Variants in SELENOF observed in about 807,000 individuals in gnomAD.
SELENOF encodes the protein 15 kDa selenoprotein.
SELENOF carries 16 observed loss-of-function variants against 20.5 expected under a neutral mutation model. That is an observed-to-expected ratio of 0.78 (90% CI 0.53 to 1.19). The LOEUF is 1.19. Among genes scored for constraint, SELENOF ranks in the 50% most tolerant of loss-of-function variants. SELENOF has a pLI of 0.00. For missense variants in SELENOF, 215 were observed against 194.2 expected (o/e 1.11, Z -0.64); for synonymous variants, 78 against 74.5 (o/e 1.05, Z -0.24).
At chr1:86,893,948 A>C (rs1022947223) in intron 2 of SELENOF, among the ~76,000 whole-genome samples, 4 of 152,212 alleles carry the variant, frequency 2.6e-5, no homozygotes, top group Non-Finnish European at 5.9e-5. Flanking sequence ...TAGTATAATA[A>C]GATTAATATT....
chr1:86,900,175 C>G (rs1369621795), intron 2 of SELENOF, among the ~76,000 whole-genome samples: 2 of 152,016 alleles, frequency 1.3e-5, no homozygotes, highest in African/African-American at 4.8e-5. Context: ...TCCTCACTTC[C>G]TAGACGGGGT....
intron 1 of SELENOF, among the ~76,000 whole-genome samples, chr1:86,904,747 A>G (rs1012973623): frequency 6.6e-6 from 1 of 152,188 alleles, no homozygotes; most frequent in African/African-American, 2.4e-5. Context: ...GCCCAAAATT[A>G]CCAAATGCAA....
intron 1 of SELENOF, among the ~76,000 whole-genome samples, chr1:86,903,720 T>C (rs1320545710): frequency 6.6e-6 from 1 of 152,098 alleles, no homozygotes; most frequent in Non-Finnish European, 1.5e-5. Context: ...TCAGCCTCCC[T>C]AGTAGCTGGG....
chr1:86,881,742 A>G (rs908024996), intron 2 of SELENOF, among the ~76,000 whole-genome samples: 3 of 152,224 alleles, frequency 2.0e-5, no homozygotes, highest in Non-Finnish European at 4.4e-5. Flanking sequence ...TGTGACCTAA[A>G]AAGACAATGA....
Position 86,880,664 on chromosome 1 carries a change from T to C in SELENOF, c.314A>G (p.Gln105Arg). Residue 105 changes from glutamine (Q) to arginine (R), a missense_variant and splice_region_variant, in exon 3 of 5, where the codon CAA (glutamine) becomes CGA (arginine). By Grantham distance (43) the Gln-to-Arg change is conservative. Transcript: ENST00000331835. Reference sequence around the variant, plus strand: ...TTACTGGAGTAAATTTTATATACCTTGGACTTGAGGGAACCTTCCCAATTT... The same window carrying C: ...TTACTGGAGTAAATTTTATATACCTCGGACTTGAGGGAACCTTCCCAATTT... Reference protein sequence around the residue: ...GUKLGRFPQVQAFVRSDKPKL... With the variant: ...GUKLGRFPQVRAFVRSDKPKL... 1 of 1,576,686 alleles carries C rather than the reference T, an allele frequency of 6.3e-7. No homozygotes were observed. Among genetic ancestry groups the C allele is most frequent in the Non-Finnish European group, 8.7e-7 (1 of 1,155,404 alleles).
chr1:86,882,247 C>CAAAAAAAAAAAAA (rs61037512), intron 2 of SELENOF, among the ~76,000 whole-genome samples: 32 of 61,870 alleles, frequency 5.2e-4, no homozygotes, highest in East Asian at 1.7e-3. Context: ...GACTCTGTCT[C>CAAAAAAAAAAAAA]AAAAAAAAAA....
intron 1 of SELENOF, among the ~76,000 whole-genome samples, chr1:86,913,456 C>T (rs1660042232): frequency 6.6e-6 from 1 of 152,198 alleles, no homozygotes; most frequent in Admixed American, 6.5e-5. Flanking sequence ...ATGAATTATA[C>T]TTTGGTATAG....
intron 3 of SELENOF, among the ~76,000 whole-genome samples, chr1:86,879,438 A>G (rs911487315): frequency 2.6e-5 from 4 of 152,240 alleles, no homozygotes; most frequent in African/African-American, 9.6e-5. Context: ...GGCCTCATTA[A>G]GTATCCCAAG....
intron 2 of SELENOF, chr1:86,887,129 T>C (rs543483132): frequency 6.2e-5 from 94 of 1,519,822 alleles, no homozygotes; most frequent in Admixed American, 4.6e-4. Context: ...CCCCATACTT[T>C]CTGATTAATG....
rs565635227 is a variant in SELENOF, at chr1:86,878,992, A to G, written c.316+1670T>C. ...TAAAATTCAATTGTTTTCAAAAGGA[A>G]AAGACAGTATGATATATATACCCAA... is the stretch of plus-strand genomic sequence containing the variant. On this transcript the variant is annotated intron_variant, in intron 3 of 4. Transcript: ENST00000331835. Among the ~76,000 whole-genome samples, 284 of 152,318 alleles carry G rather than the reference A, an allele frequency of 1.9e-3. 1 individual carries two copies. The highest frequency in any genetic ancestry group is 6.5e-3 in the African/African-American group (269 of 41,568).
intron 1 of SELENOF, among the ~76,000 whole-genome samples, chr1:86,913,501 G>C (rs1660043475): frequency 6.6e-6 from 1 of 152,182 alleles, no homozygotes; most frequent in African/African-American, 2.4e-5. Context: ...TTGTTTAAAA[G>C]CACAAATCGC....
At position 86,914,030 on chromosome 1, in the gene SELENOF, C is replaced by T. The variant is rs1214667907; in HGVS notation, c.82G>A (p.Ala28Thr). The T allele has an allele frequency of 6.2e-7, 1 of 1,613,916 alleles. No individual in the cohort carries two copies. Among genetic ancestry groups the T allele is most frequent in the African/African-American group, 1.3e-5 (1 of 75,044 alleles). ...CTGCGAAGGTGATCTACACTCACCG[C>T]TTGAAGCACAGTCGCCAACAACAAC... ...LRLLLATVLQ[A>T]VSAFGAEFSS... Residue 28 changes from alanine to threonine, a missense_variant and splice_region_variant, in exon 1 of 5, where the codon GCG (alanine) becomes ACG (threonine). By Grantham distance (58) the Ala-to-Thr change is moderately conservative. Coordinates refer to ENST00000331835, the MANE Select transcript of SELENOF (RefSeq NM_004261.5).
chr1:86,908,189 G>A (rs1369143351), intron 1 of SELENOF, among the ~76,000 whole-genome samples: 1 of 152,102 alleles, frequency 6.6e-6, no homozygotes, highest in Non-Finnish European at 1.5e-5. Flanking sequence ...CATATTCGTT[G>A]TCTCTTCACT....
At chr1:86,899,642 G>T (rs1659630229) in intron 2 of SELENOF, among the ~76,000 whole-genome samples, 1 of 148,042 alleles carries the variant, frequency 6.8e-6, no homozygotes, top group Admixed American at 6.7e-5. Flanking sequence ...GCGGGGGGCT[G>T]ACCCCCCCAT....
At chr1:86,884,380 T>TAC (rs1402427568) in intron 2 of SELENOF, among the ~76,000 whole-genome samples, 4 of 150,654 alleles carry the variant, frequency 2.7e-5, no homozygotes, top group Non-Finnish European at 4.4e-5. Context: ...CACACACATA[T>TAC]ACACACACAT....
At chr1:86,894,301 AAAT>A (rs1258530376) in intron 2 of SELENOF, among the ~76,000 whole-genome samples, 1 of 151,990 alleles carries the variant, frequency 6.6e-6, no homozygotes, top group Non-Finnish European at 1.5e-5. Context: ...GAAAAATTTG[AAAT>A]AATTGCGATT....
At chr1:86,895,183 C>A (rs1227956027) in intron 2 of SELENOF, among the ~76,000 whole-genome samples, 1 of 152,112 alleles carries the variant, frequency 6.6e-6, no homozygotes, top group Admixed American at 6.5e-5. Context: ...TTCGACTAAT[C>A]CAGGAACTTG....
intron 1 of SELENOF, among the ~76,000 whole-genome samples, chr1:86,907,722 A>G (rs1257345577): frequency 6.6e-6 from 1 of 152,172 alleles, no homozygotes; most frequent in Non-Finnish European, 1.5e-5. Context: ...GGTGGCTCAC[A>G]TCTATAATCT....
In SELENOF at chr1:86,877,610, C is replaced by T. The variant is rs570858284; in HGVS notation, c.316+3052G>A. On this transcript the variant is annotated intron_variant, in intron 3 of 4. Transcript: ENST00000331835. ...GCAGTATTTTTAAAGTTTCAGACTTCGGAGCATTCTAGATTTAAGATTTTT... is the reference window on the plus strand; with the variant it reads ...GCAGTATTTTTAAAGTTTCAGACTTTGGAGCATTCTAGATTTAAGATTTTT... 1.3e-3 allele frequency among the ~76,000 whole-genome samples: 191 copies of T among 152,248 alleles called. 1 individual carries two copies. Among genetic ancestry groups the T allele is most frequent in the African/African-American group, 4.2e-3 (176 of 41,552 alleles).
Sources: gnomAD v4.1 joint callset for allele counts (sites outside exome capture counted in the v4.1 genomes callset) on GRCh38, gnomAD v4.1.1 for gene constraint, MANE v1.5 for transcripts, NCBI Gene and HGNC (gene_info 2026-07-23, HGNC 2026-07-21) for gene names.